SDC3: variants seen among roughly 807,000 people sequenced by gnomAD.
SDC3 encodes syndecan-3.
SDC3 carries 13 observed loss-of-function variants against 24.4 expected under a neutral mutation model. The observed-to-expected ratio is 0.53, with a 90% CI of 0.35 to 0.85. SDC3 has a LOEUF of 0.85. Ranked by LOEUF, SDC3 falls within the 40% of genes least tolerant of loss-of-function variation. The probability of loss-of-function intolerance (pLI) is 0.01; values close to 1 mark genes in which losing one functional copy is unlikely to be tolerated. For missense variants in SDC3, 571 were observed against 584.5 expected (o/e 0.98, Z 0.24); for synonymous variants, 295 against 260.9 (o/e 1.13, Z -1.26).
In SDC3 at chr1:30,908,552, G is replaced by A; in HGVS notation, c.35C>T (p.Ala12Val). The A allele has an allele frequency of 2.1e-6, 2 of 971,974 alleles. No homozygotes were observed. Among genetic ancestry groups the A allele is most frequent in the Non-Finnish European group, 2.4e-6 (2 of 822,266 alleles). 60.2% of individuals were successfully genotyped at this position (971,974 alleles called of 1,614,324 possible). Residue 12 changes from alanine to valine, a missense_variant, in exon 1 of 5, where the codon GCC becomes GTC. Physicochemically the swap from Ala to Val is moderately conservative, Grantham distance 64 (BLOSUM62 0). This residue lies in a region of SDC3 where 497 missense variants were observed against 471.6 expected (regional missense o/e 1.05). Coordinates refer to ENST00000339394, the MANE Select transcript of SDC3 (RefSeq NM_014654.4). ...KPGPPHRAGAAHGAGAGAGAA... is the reference protein window; with the variant it reads ...KPGPPHRAGAVHGAGAGAGAA... ...CCCGGCCCCGGCGCCGGCCCCGTGG[G>A]CGGCCCCGGCACGGTGCGGCGGCCC...
intron 1 of SDC3, among the ~76,000 whole-genome samples, chr1:30,901,075 A>G (rs1432827777): frequency 6.6e-6 from 1 of 152,172 alleles, no homozygotes; most frequent in Non-Finnish European, 1.5e-5. Flanking sequence ...GCAAATGAAC[A>G]CCAGGCTCCA....
chr1:30,893,467 GA>G (rs776207712), intron 1 of SDC3, among the ~76,000 whole-genome samples: 1 of 151,956 alleles, frequency 6.6e-6, no homozygotes, highest in Non-Finnish European at 1.5e-5. Flanking sequence ...CCACTACTAT[GA>G]CAACCAAAAA....
At chr1:30,877,335 G>A in intron 2 of SDC3, 170 bp from the exon 3 acceptor site, 1 of 878,768 alleles carries the variant, frequency 1.1e-6, no homozygotes, top group Non-Finnish European at 1.8e-6. Flanking sequence ...AGCTAAAGGT[G>A]GTCAGTTGCT....
chr1:30,897,629 G>T (rs573802671), intron 1 of SDC3, among the ~76,000 whole-genome samples: 1 of 151,912 alleles, frequency 6.6e-6, no homozygotes, highest in African/African-American at 2.4e-5. Flanking sequence ...ATCCTGTAGG[G>T]ATACCATGCT....
upstream of SDC3, among the ~76,000 whole-genome samples, chr1:30,909,412 G>C (rs542089348): frequency 6.6e-6 from 1 of 152,300 alleles, no homozygotes; most frequent in African/African-American, 2.4e-5. Flanking sequence ...CACACCAGCT[G>C]TGCGCCTCCA....
In SDC3 at chr1:30,874,371, T is replaced by A. The variant is rs1158148224; in HGVS notation, c.1088A>T (p.Asn363Ile). The A allele has an allele frequency of 6.2e-7, 1 of 1,613,880 alleles. No homozygotes were observed. Among genetic ancestry groups the A allele is most frequent in the African/African-American group, 1.3e-5 (1 of 74,926 alleles). Reference sequence around the variant, plus strand: ...AGCTGAGCTGCCCGAGTCGATGGCATTGTCCAGGAGGCCAGGGCCCGGGCG... The same window carrying A: ...AGCTGAGCTGCCCGAGTCGATGGCAATGTCCAGGAGGCCAGGGCCCGGGCG... ...GARPGPGLLD[N>I]AIDSGSSAAQ... Residue 363 changes from asparagine (N) to isoleucine (I), a missense_variant, in exon 4 of 5, where the codon AAT becomes ATT. Around this residue, in one of 2 missense-constraint regions of SDC3, gnomAD observed 74 missense variants for 112.9 expected, o/e 0.66. Coordinates refer to ENST00000339394, the MANE Select transcript of SDC3 (RefSeq NM_014654.4).
intron 1 of SDC3, among the ~76,000 whole-genome samples, chr1:30,898,953 G>T (rs1048393317): frequency 6.6e-6 from 1 of 152,146 alleles, no homozygotes; most frequent in Non-Finnish European, 1.5e-5. Flanking sequence ...CCAGCAGCAG[G>T]TTCCTTTTAA....
intron 1 of SDC3, 152 bp from the exon 2 acceptor site, chr1:30,878,892 A>C: frequency 3.1e-6 from 2 of 641,544 alleles, no homozygotes; most frequent in Non-Finnish European, 5.6e-6. Flanking sequence ...GCGTGTGTGA[A>C]TAATTCACAG....
intron 1 of SDC3, among the ~76,000 whole-genome samples, chr1:30,880,237 A>G (rs937486570): frequency 1.3e-5 from 2 of 151,978 alleles, no homozygotes; most frequent in Non-Finnish European, 2.9e-5. Context: ...GCAGCTCCCC[A>G]CAGAGATGGG....
Position 30,873,396 on chromosome 1 carries a change from C to A in SDC3, c.1163-19G>T, listed in dbSNP as rs376737727. ...ATCACAGCTGTGGAAGAAGAGGGCA[C>A]AGGTCAAGGCCCAGAGGCAGGGTAG... On this transcript the variant is annotated intron_variant, in intron 4 of 4. Coordinates refer to ENST00000339394, the MANE Select transcript of SDC3 (RefSeq NM_014654.4). The A allele has an allele frequency of 6.2e-7, 1 of 1,608,820 alleles. No homozygotes were observed.
chr1:30,894,951 CCTGTCT>C lies in SDC3; in HGVS notation c.138+13492_138+13497del, dbSNP rs548764727. ...GTGCACATGGCAGTGTATGTGTGTC[CCTGTCT>C]CTGTCTCTACACGTGTGCACAGGAC... is the stretch of plus-strand genomic sequence containing the variant. On this transcript the variant is annotated intron_variant, in intron 1 of 4. Coordinates refer to ENST00000339394, the MANE Select transcript of SDC3 (RefSeq NM_014654.4). 3.6e-4 allele frequency among the ~76,000 whole-genome samples: 54 copies of C among 151,998 alleles called. 1 individual carries two copies. In the East Asian group the frequency reaches 5.0e-3, roughly 14 times the overall value.
chr1:30,894,067 G>A (rs1190109356), intron 1 of SDC3, among the ~76,000 whole-genome samples: 1 of 152,054 alleles, frequency 6.6e-6, no homozygotes, highest in African/African-American at 2.4e-5. Context: ...TAGACCCTGG[G>A]ATTAAGAGTC....
chr1:30,874,425 G>C lies in SDC3; in HGVS notation c.1034C>G (p.Ser345Cys), dbSNP rs751049650. The C allele has an allele frequency of 6.2e-7, 1 of 1,614,236 alleles. No individual in the cohort carries two copies. The highest frequency in any genetic ancestry group is 1.7e-5 in the Admixed American group (1 of 60,024). The change falls in exon 4 of 5, where the codon TCT becomes TGT. Residue 345 changes from serine to cysteine, a missense_variant. By Grantham distance (112) the Ser-to-Cys change is moderately radical. Around this residue, in one of 2 missense-constraint regions of SDC3, gnomAD observed 497 missense variants for 471.6 expected, o/e 1.05. Coordinates refer to ENST00000339394, the MANE Select transcript of SDC3 (RefSeq NM_014654.4). ...ACCCTTGGGCAGTGTCCCAGGTGGAGATGATGCCTTGGCCGCAGCCCCTCC... is the reference window on the plus strand; with the variant it reads ...ACCCTTGGGCAGTGTCCCAGGTGGACATGATGCCTTGGCCGCAGCCCCTCC... ...AVGGAAAKASSPPGTLPKGAR... is the reference protein window; with the variant it reads ...AVGGAAAKASCPPGTLPKGAR...
At chr1:30,906,669 G>A (rs941288389) in intron 1 of SDC3, among the ~76,000 whole-genome samples, 2 of 152,116 alleles carry the variant, frequency 1.3e-5, no homozygotes, top group Non-Finnish European at 2.9e-5. Context: ...GCCCTCTGAG[G>A]AAGGGGTCAT....
chr1:30,884,444 A>G (rs913565429), intron 1 of SDC3, among the ~76,000 whole-genome samples: 1 of 150,908 alleles, frequency 6.6e-6, no homozygotes, highest in African/African-American at 2.4e-5. Flanking sequence ...ATCCCAGTCA[A>G]CTCCTCTGCA....
chr1:30,876,593 G>T lies in SDC3; in HGVS notation c.829C>A (p.Pro277Thr), dbSNP rs773521231. Reference sequence around the variant, plus strand: ...GGTCCAGGGGCAGTGGTCCCCAGGGGCAGGGTGCTCCTCTCAGGGATGTCA... The same window carrying T: ...GGTCCAGGGGCAGTGGTCCCCAGGGTCAGGGTGCTCCTCTCAGGGATGTCA... Reference protein sequence around the residue: ...EPDIPERSTLPLGTTAPGPTE... With the variant: ...EPDIPERSTLTLGTTAPGPTE... The change falls in exon 3 of 5, where the codon CCC becomes ACC. Residue 277 changes from proline to threonine, a missense_variant. This residue lies in a region of SDC3 where 497 missense variants were observed against 471.6 expected (regional missense o/e 1.05). Coordinates refer to ENST00000339394, the MANE Select transcript of SDC3 (RefSeq NM_014654.4). The T allele has an allele frequency of 4.6e-6, 7 of 1,536,680 alleles. No individual in the cohort carries two copies. The East Asian group carries it at 1.4e-4, about 30-fold the overall frequency.
intron 1 of SDC3, among the ~76,000 whole-genome samples, chr1:30,891,744 T>A (rs1360270989): frequency 4.0e-5 from 6 of 150,776 alleles, no homozygotes; most frequent in Non-Finnish European, 8.8e-5. Context: ...TCCCAGCTAC[T>A]CAGAAGGCTG....
rs982389636 is a variant in SDC3, at chr1:30,877,340, GT to G, written c.257-176del. On this transcript the variant is annotated intron_variant, in intron 2 of 4. Coordinates refer to ENST00000339394, the MANE Select transcript of SDC3 (RefSeq NM_014654.4). ...GGCACAGCCCAGCTAAAGGTGGTCA[GT>G]TGCTGATGTTCCCCAACTTCTCTCT... The G allele has an allele frequency of 4.9e-6, 4 of 820,824 alleles. No homozygotes were observed. In the African/African-American group the frequency reaches 6.9e-5, roughly 14 times the overall value. 50.8% of individuals were successfully genotyped at this position (820,824 alleles called of 1,614,324 possible).
Position 30,908,502 on chromosome 1 carries a change from C to A in SDC3, c.85G>T (p.Gly29Trp), listed in dbSNP as rs1417621600. 3 of 988,312 alleles carry A rather than the reference C, an allele frequency of 3.0e-6. No homozygotes were observed. The highest frequency in any genetic ancestry group is 3.6e-6 in the Non-Finnish European group (3 of 834,496). The allele number at this position is 988,312 out of a possible 1,614,324, so 61.2% of individuals were successfully genotyped here. Reference sequence around the variant, plus strand: ...AGCAGCAGCGGTGGCAGGAGCAGCCCGCGGGCCCCGGGCCCGGCCGCGGCC... The same window carrying A: ...AGCAGCAGCGGTGGCAGGAGCAGCCAGCGGGCCCCGGGCCCGGCCGCGGCC... ...AGAAAGPGAR[G>W]LLLPPLLLLL... Residue 29 changes from glycine (G) to tryptophan (W), a missense_variant, in exon 1 of 5, where the codon GGG becomes TGG. Gly to Trp is a radical substitution (Grantham distance 184). This residue lies in a region of SDC3 where 497 missense variants were observed against 471.6 expected (regional missense o/e 1.05). Transcript: ENST00000339394.
Sources: gnomAD v4.1 joint callset for allele counts (sites outside exome capture counted in the v4.1 genomes callset) on GRCh38, gnomAD v4.1.1 for gene constraint, gnomAD v4.1.1 regional missense constraint, MANE v1.5 for transcripts, NCBI Gene and HGNC (gene_info 2026-07-23, HGNC 2026-07-21) for gene names.